The following NR2F1-AS1 variants were observed in gnomAD, a reference collection of about 807,000 sequenced individuals.
The protein encoded by NR2F1-AS1 is NR2F1 regulatory antisense RNA 1.
At chr5:93,469,622 T>C (rs938112606) in intron 4 of NR2F1-AS1, among the ~76,000 whole-genome samples, 2 of 152,086 alleles carry the variant, frequency 1.3e-5, no homozygotes, top group African/African-American at 2.4e-5. Flanking sequence ...AGATTATTTA[T>C]CTTCCACAAC....
chr5:93,413,973 G>T (rs1222743427), intron 4 of NR2F1-AS1, among the ~76,000 whole-genome samples: 1 of 152,068 alleles, frequency 6.6e-6, no homozygotes, highest in African/African-American at 2.4e-5. Context: ...AATCCTGGGG[G>T]GTTTGTAAGC....
intron 4 of NR2F1-AS1, among the ~76,000 whole-genome samples, chr5:93,462,542 G>A (rs543970018): frequency 3.4e-4 from 52 of 152,226 alleles, no homozygotes; most frequent in Middle Eastern, 6.8e-3. Context: ...AAATGTGAAG[G>A]CAACTTTGGA....
chr5:93,483,508 AG>A (rs2149876243), intron 4 of NR2F1-AS1, among the ~76,000 whole-genome samples: 1 of 152,304 alleles, frequency 6.6e-6, no homozygotes, highest in Admixed American at 6.5e-5. Context: ...AGCACAAAAA[AG>A]CTGAAAATTC....
intron 4 of NR2F1-AS1, among the ~76,000 whole-genome samples, chr5:93,500,499 A>G (rs1353194739): frequency 6.6e-6 from 1 of 152,126 alleles, no homozygotes; most frequent in Non-Finnish European, 1.5e-5. Context: ...TCAAAATAGT[A>G]CTGCTCATTA....
chr5:93,569,413 A>G (rs1011524882), intron 1 of NR2F1-AS1, among the ~76,000 whole-genome samples: 3 of 152,214 alleles, frequency 2.0e-5, no homozygotes, highest in African/African-American at 7.2e-5. Context: ...GCACTGCTGC[A>G]CTACCCTGCT....
intron 4 of NR2F1-AS1, among the ~76,000 whole-genome samples, chr5:93,440,603 T>C (rs948944802): frequency 6.6e-6 from 1 of 152,202 alleles, no homozygotes; most frequent in Non-Finnish European, 1.5e-5. Context: ...AGTCTGGGTT[T>C]CTCAGACTCC....
chr5:93,561,459 A>G (rs1009523548), intron 2 of NR2F1-AS1, among the ~76,000 whole-genome samples: 1 of 152,090 alleles, frequency 6.6e-6, no homozygotes, highest in Non-Finnish European at 1.5e-5. Context: ...AAGACCAAAC[A>G]TAGGTATTTT....
chr5:93,437,403 G>A (rs1488903120), intron 4 of NR2F1-AS1, among the ~76,000 whole-genome samples: 1 of 152,096 alleles, frequency 6.6e-6, no homozygotes, highest in Non-Finnish European at 1.5e-5. Flanking sequence ...AATTTCACTT[G>A]CTTCCTTTTA....
intron 4 of NR2F1-AS1, among the ~76,000 whole-genome samples, chr5:93,424,783 A>G: frequency 6.6e-6 from 1 of 152,230 alleles, no homozygotes; most frequent in East Asian, 1.9e-4. Flanking sequence ...ACTGGGTGTC[A>G]AGTTAAAAGT....
intron 4 of NR2F1-AS1, among the ~76,000 whole-genome samples, chr5:93,506,285 A>G (rs73133262): frequency 0.021 from 3,151 of 152,216 alleles, 126 homozygotes; most frequent in African/African-American, 0.073. Flanking sequence ...CTTCTTTTCA[A>G]AGCCATTCAA....
At chr5:93,572,029 G>C (rs913928743) in intron 1 of NR2F1-AS1, among the ~76,000 whole-genome samples, 1 of 152,188 alleles carries the variant, frequency 6.6e-6, no homozygotes, top group African/African-American at 2.4e-5. Context: ...GGAGGTCTGG[G>C]GTGGGATAGT....
At chr5:93,489,155 G>A (rs1002150445) in intron 4 of NR2F1-AS1, among the ~76,000 whole-genome samples, 3 of 151,946 alleles carry the variant, frequency 2.0e-5, no homozygotes, top group Non-Finnish European at 4.4e-5. Flanking sequence ...TAGATGACGG[G>A]TTAAAGGGTG....
intron 4 of NR2F1-AS1, among the ~76,000 whole-genome samples, chr5:93,455,195 A>G (rs1027851052): frequency 1.3e-5 from 2 of 152,332 alleles, no homozygotes; most frequent in Middle Eastern, 3.4e-3. Flanking sequence ...TGAAATATTC[A>G]GCATTCTGTT....
intron 4 of NR2F1-AS1, among the ~76,000 whole-genome samples, chr5:93,512,012 C>T (rs1460812703): frequency 1.3e-5 from 2 of 152,272 alleles, no homozygotes; most frequent in African/African-American, 4.8e-5. Flanking sequence ...ATGTTACTGG[C>T]TTATGTATCA....
intron 2 of NR2F1-AS1, among the ~76,000 whole-genome samples, chr5:93,561,492 G>T (rs1020703022): frequency 1.3e-5 from 2 of 151,924 alleles, no homozygotes; most frequent in Admixed American, 1.3e-4. Context: ...ATGAAAACAG[G>T]CCAGGCGCAG....
Position 93,462,188 on chromosome 5 carries a change from T to C in NR2F1-AS1, n.639-66646A>G, listed in dbSNP as rs570752033. On this transcript the variant is annotated intron_variant and non_coding_transcript_variant, in intron 4 of 5. Coordinates refer to ENST00000660523, the Ensembl canonical transcript of NR2F1-AS1. ...CATCTTGAATTGTAACCCCCACAAT[T>C]CCCACATGTCATGGGAGGAACCTGG... Among the ~76,000 whole-genome samples the C allele has an allele frequency of 7.2e-5, 11 of 152,280 alleles. No individual in the cohort carries two copies. In the South Asian group the frequency reaches 2.3e-3, roughly 32 times the overall value.
chr5:93,463,388 C>A (rs1269174966), intron 4 of NR2F1-AS1, among the ~76,000 whole-genome samples: 1 of 152,198 alleles, frequency 6.6e-6, no homozygotes, highest in East Asian at 1.9e-4. Context: ...GCCCGGATGT[C>A]CAGGCAGAAG....
At chr5:93,534,993 AGGAATTAGAT>A (rs1400144885) in intron 4 of NR2F1-AS1, among the ~76,000 whole-genome samples, 6 of 152,358 alleles carry the variant, frequency 3.9e-5, no homozygotes. Flanking sequence ...AGGCATCTAT[AGGAATTAGAT>A]GGTATGCAAT....
intron 4 of NR2F1-AS1, among the ~76,000 whole-genome samples, chr5:93,461,167 G>C (rs1158785713): frequency 2.0e-5 from 3 of 152,184 alleles, no homozygotes; most frequent in African/African-American, 7.2e-5. Context: ...AAAGGAACGA[G>C]ATCATGTCCT....
Sources: allele counts gnomAD v4.1 joint callset (sites outside exome capture counted in the v4.1 genomes callset), GRCh38; gene constraint gnomAD v4.1.1; transcripts MANE v1.5; gene names NCBI Gene and HGNC (gene_info 2026-07-23, HGNC 2026-07-21).